Variants in IKBKB-DT observed in about 807,000 individuals in gnomAD.
IKBKB-DT encodes IKBKB divergent transcript.
chr8:42,254,279 T>C (rs1441249673), intron 3 of IKBKB-DT, among the ~76,000 whole-genome samples: 2 of 152,256 alleles, frequency 1.3e-5, no homozygotes, highest in Non-Finnish European at 2.9e-5. Context: ...CTACCAAAGA[T>C]AGTCACAGTA....
chr8:42,255,877 T>G lies in IKBKB-DT; in HGVS notation n.1529+7452A>C, dbSNP rs559502674. 2.7e-5 allele frequency among the ~76,000 whole-genome samples: 4 copies of G among 150,608 alleles called. No individual in the cohort carries two copies. The South Asian group carries it at 8.5e-4, about 32-fold the overall frequency. On this transcript the variant is annotated intron_variant and non_coding_transcript_variant, in intron 3 of 3. Transcript: ENST00000518213. ...CGTCTCTACTAAAAATACAAAAAAA[T>G]TAGTCAGGAGTGGTGGCGGGCACCT...
intron 3 of IKBKB-DT, among the ~76,000 whole-genome samples, chr8:42,256,873 T>A (rs1249583968): frequency 6.6e-6 from 1 of 152,124 alleles, no homozygotes; most frequent in Non-Finnish European, 1.5e-5. Flanking sequence ...CACATAAGCA[T>A]GGTGGTTCAT....
At chr8:42,244,298 C>T (rs2129909277) in intron 3 of IKBKB-DT, among the ~76,000 whole-genome samples, 1 of 152,166 alleles carries the variant, frequency 6.6e-6, no homozygotes, top group African/African-American at 2.4e-5. Context: ...AGTCAGTTAT[C>T]CTATTTGGGA....
At chr8:42,259,327 T>C (rs527825797) in intron 3 of IKBKB-DT, among the ~76,000 whole-genome samples, 3 of 152,302 alleles carry the variant, frequency 2.0e-5, no homozygotes, top group South Asian at 2.1e-4. Context: ...GCCCAGCCTG[T>C]AGCACAGTTT....
At chr8:42,269,538 G>A (rs1274828857) in intron 1 of IKBKB-DT, among the ~76,000 whole-genome samples, 1 of 117,146 alleles carries the variant, frequency 8.5e-6, no homozygotes, top group African/African-American at 3.3e-5. Flanking sequence ...GGAAAAGAAG[G>A]AAAAGAAAGA....
chr8:42,258,532 G>A (rs1188134248), intron 3 of IKBKB-DT, among the ~76,000 whole-genome samples: 2 of 151,206 alleles, frequency 1.3e-5, no homozygotes, highest in African/African-American at 4.9e-5. Flanking sequence ...GCAGTGGCGC[G>A]ATCTCTGCTC....
chr8:42,236,969 C>T (rs193012708), intron 3 of IKBKB-DT, among the ~76,000 whole-genome samples: 210 of 152,126 alleles, frequency 1.4e-3, no homozygotes, highest in Non-Finnish European at 2.2e-3. Flanking sequence ...ATCCTTCCAC[C>T]TCGGCCTCCT....
At chr8:42,234,467 T>C (rs545286393) in intron 3 of IKBKB-DT, among the ~76,000 whole-genome samples, 32 of 152,318 alleles carry the variant, frequency 2.1e-4, no homozygotes, top group African/African-American at 7.2e-4. Flanking sequence ...ATACACAACA[T>C]TTTAAGACAA....
Position 42,262,426 on chromosome 8 carries a change from T to TTTTTTTTATTTA in IKBKB-DT, n.1529+902_1529+903insTAAATAAAAAAA, listed in dbSNP as rs377710431. On this transcript the variant is annotated intron_variant and non_coding_transcript_variant, in intron 3 of 3. Transcript: ENST00000518213. ...TCCAGGAGAGCTAACTACCACATTC[T>TTTTTTTTATTTA]TTTATTTATTTATTTATTTATTTAT... 3.5e-5 allele frequency among the ~76,000 whole-genome samples: 5 copies of TTTTTTTTATTTA among 144,286 alleles called. 1 individual carries two copies. The highest frequency in any genetic ancestry group is 1.4e-4 in the Admixed American group (2 of 14,770). 94.7% of individuals were successfully genotyped at this position (144,286 alleles called of 152,430 possible).
exon 3 of IKBKB-DT, chr8:42,263,365 A>G (rs892249556): frequency 2.6e-5 from 4 of 152,130 alleles, no homozygotes; most frequent in African/African-American, 7.2e-5. Flanking sequence ...AGGGATCCCA[A>G]TTGTAGAGCA....
chr8:42,265,978 A>G (rs1040921205), exon 2 of IKBKB-DT, among the ~76,000 whole-genome samples: 2 of 152,050 alleles, frequency 1.3e-5, no homozygotes, highest in African/African-American at 4.8e-5. Flanking sequence ...ATGGAGCCCA[A>G]AGGGTCTGCG....
intron 3 of IKBKB-DT, among the ~76,000 whole-genome samples, chr8:42,234,774 T>A (rs1806895632): frequency 6.6e-6 from 1 of 152,068 alleles, no homozygotes; most frequent in Non-Finnish European, 1.5e-5. Context: ...AGATTACAGG[T>A]GTCCACCATC....
intron 3 of IKBKB-DT, among the ~76,000 whole-genome samples, chr8:42,238,974 C>T (rs1806962338): frequency 1.3e-5 from 2 of 152,162 alleles, no homozygotes; most frequent in Admixed American, 1.3e-4. Flanking sequence ...AACTCTTTCT[C>T]TACTGCAACA....
intron 3 of IKBKB-DT, among the ~76,000 whole-genome samples, chr8:42,240,564 G>T (rs1024342792): frequency 7.1e-6 from 1 of 140,796 alleles, no homozygotes; most frequent in Non-Finnish European, 1.5e-5. Context: ...GGTAGAGTTT[G>T]CAGTGAGCCA....
intron 3 of IKBKB-DT, among the ~76,000 whole-genome samples, chr8:42,248,623 G>A (rs1216557852): frequency 6.6e-6 from 1 of 152,120 alleles, no homozygotes; most frequent in East Asian, 1.9e-4. Context: ...GCTCATGTCT[G>A]TAATCCCAGC....
chr8:42,263,859 C>T (rs1176300814), intron 2 of IKBKB-DT, among the ~76,000 whole-genome samples: 1 of 152,104 alleles, frequency 6.6e-6, no homozygotes, highest in Non-Finnish European at 1.5e-5. Flanking sequence ...TTGCCCAGGC[C>T]GGAGTGCAAT....
chr8:42,260,481 T>C (rs1349916539), intron 3 of IKBKB-DT, among the ~76,000 whole-genome samples: 2 of 151,796 alleles, frequency 1.3e-5, no homozygotes, highest in African/African-American at 4.8e-5. Flanking sequence ...CTGACCAACA[T>C]GGTGAAACTC....
intron 3 of IKBKB-DT, among the ~76,000 whole-genome samples, chr8:42,258,458 GTCTT>G (rs1009430912): frequency 4.7e-5 from 7 of 150,240 alleles, no homozygotes; most frequent in African/African-American, 7.3e-5. Flanking sequence ...TTCAGTTTTT[GTCTT>G]TCTTTCTTTT....
At chr8:42,264,332 T>A (rs1250064053) in intron 2 of IKBKB-DT, among the ~76,000 whole-genome samples, 2 of 151,872 alleles carry the variant, frequency 1.3e-5, no homozygotes, top group Non-Finnish European at 2.9e-5. Flanking sequence ...TATTTTGATT[T>A]TTTTGTAGAG....
Sources: gnomAD v4.1 joint callset for allele counts (sites outside exome capture counted in the v4.1 genomes callset) on GRCh38, gnomAD v4.1.1 for gene constraint, MANE v1.5 for transcripts, NCBI Gene and HGNC (gene_info 2026-07-23, HGNC 2026-07-21) for gene names.